CDKAL1: variants seen among roughly 807,000 people sequenced by gnomAD.
The protein encoded by CDKAL1 is threonylcarbamoyladenosine tRNA methylthiotransferase.
Under a neutral mutation model 68.2 loss-of-function variants are expected in CDKAL1, and 32 were observed. The ratio of observed to expected loss-of-function variants is 0.47; its 90% CI spans 0.35 to 0.63. The LOEUF is 0.63. Ranked by LOEUF, CDKAL1 falls within the 30% of genes least tolerant of loss-of-function variation. The probability of loss-of-function intolerance (pLI) is 0.00; values close to 1 mark genes in which losing one functional copy is unlikely to be tolerated. For missense variants in CDKAL1, 606 were observed against 696.7 expected, an observed-to-expected ratio of 0.87 and a Z score of 1.47; for synonymous variants, 234 against 244.3, an observed-to-expected ratio of 0.96 and a Z score of 0.39.
chr6:20,815,300 G>A (rs912239609), intron 8 of CDKAL1, among the ~76,000 whole-genome samples: 1 of 152,070 alleles, frequency 6.6e-6, no homozygotes, highest in Non-Finnish European at 1.5e-5. Flanking sequence ...TCTGTTTTTA[G>A]TAGTTTATAT....
intron 13 of CDKAL1, among the ~76,000 whole-genome samples, chr6:21,170,208 A>C (rs1777323678): frequency 6.6e-6 from 1 of 152,256 alleles, no homozygotes; most frequent in East Asian, 1.9e-4. Flanking sequence ...TACTGTCTGC[A>C]GAAGAAGCAC....
At chr6:20,907,491 A>G (rs1055400709) in intron 9 of CDKAL1, among the ~76,000 whole-genome samples, 1 of 152,238 alleles carries the variant, frequency 6.6e-6, no homozygotes, top group Non-Finnish European at 1.5e-5. Flanking sequence ...ATTGAAAAAA[A>G]TGACTATGAA....
chr6:20,643,023 A>T (rs957519599), intron 4 of CDKAL1, among the ~76,000 whole-genome samples: 2 of 152,186 alleles, frequency 1.3e-5, no homozygotes, highest in Non-Finnish European at 2.9e-5. Context: ...AATAGATCTG[A>T]TATCCCAACT....
chr6:20,553,909 G>A (rs775162259), intron 4 of CDKAL1, among the ~76,000 whole-genome samples: 3 of 148,806 alleles, frequency 2.0e-5, no homozygotes, highest in Non-Finnish European at 4.5e-5. Context: ...ACCGTGCTCG[G>A]CCAGCTTTTA....
intron 9 of CDKAL1, among the ~76,000 whole-genome samples, chr6:20,902,020 C>A (rs1283649464): frequency 6.6e-6 from 1 of 152,140 alleles, no homozygotes; most frequent in Non-Finnish European, 1.5e-5. Flanking sequence ...AAGTGATCTG[C>A]CTGCCTCGGC....
At chr6:20,798,007 G>A (rs906968821) in intron 8 of CDKAL1, among the ~76,000 whole-genome samples, 30 of 151,584 alleles carry the variant, frequency 2.0e-4, no homozygotes, top group African/African-American at 7.0e-4. Context: ...GTAGAGATGG[G>A]GTTTCACCGT....
intron 6 of CDKAL1, among the ~76,000 whole-genome samples, chr6:20,749,871 T>G (rs986171650): frequency 6.6e-6 from 1 of 151,802 alleles, no homozygotes; most frequent in Non-Finnish European, 1.5e-5. Context: ...TCTTTTCCTT[T>G]TTTGTTTTTT....
intron 13 of CDKAL1, among the ~76,000 whole-genome samples, chr6:21,157,102 C>T (rs1776685019): frequency 1.3e-5 from 2 of 152,104 alleles, no homozygotes; most frequent in Admixed American, 1.3e-4. Flanking sequence ...AGAATTCAGC[C>T]GACATAGATT....
chr6:20,862,417 G>A (rs966933475), intron 9 of CDKAL1, among the ~76,000 whole-genome samples: 1 of 152,124 alleles, frequency 6.6e-6, no homozygotes, highest in Non-Finnish European at 1.5e-5. Context: ...TTTTCCCATT[G>A]TAAAAATAAG....
chr6:20,563,259 A>G (rs1001145804), intron 4 of CDKAL1, among the ~76,000 whole-genome samples: 5 of 152,192 alleles, frequency 3.3e-5, no homozygotes, highest in African/African-American at 1.2e-4. Context: ...CTAGCTTACA[A>G]AAATGAAGGA....
intron 9 of CDKAL1, among the ~76,000 whole-genome samples, chr6:20,939,821 T>C (rs1051776899): frequency 6.6e-6 from 1 of 152,200 alleles, no homozygotes; most frequent in African/African-American, 2.4e-5. Flanking sequence ...AGATCACACC[T>C]GGAAATGAGG....
At chr6:21,137,969 T>C (rs1775701106) in intron 13 of CDKAL1, among the ~76,000 whole-genome samples, 1 of 152,236 alleles carries the variant, frequency 6.6e-6, no homozygotes, top group African/African-American at 2.4e-5. Flanking sequence ...TTTGCCCTTG[T>C]TCCTTTTAGT....
At chr6:20,546,949 A>G (rs76797606) in intron 3 of CDKAL1, among the ~76,000 whole-genome samples, 41 of 152,344 alleles carry the variant, frequency 2.7e-4, no homozygotes, top group African/African-American at 8.9e-4. Flanking sequence ...AACTTTTGAT[A>G]GGAAATACAA....
At chr6:20,855,212 G>A (rs1242143248) in intron 9 of CDKAL1, among the ~76,000 whole-genome samples, 1 of 152,040 alleles carries the variant, frequency 6.6e-6, no homozygotes, top group Non-Finnish European at 1.5e-5. Flanking sequence ...GGAGGCTGAG[G>A]TGGGTGGATC....
intron 5 of CDKAL1, among the ~76,000 whole-genome samples, chr6:20,671,417 G>T (rs180996467): frequency 3.3e-5 from 5 of 152,094 alleles, no homozygotes; most frequent in African/African-American, 1.2e-4. Flanking sequence ...CTCCCCTTTT[G>T]TCTGCTGTCC....
In CDKAL1 at chr6:20,992,208, A is replaced by ATATATATATATATATATATATATGTATG. The variant is rs200094831; in HGVS notation, c.910-8016_910-8015insATATATATATATATATATATGTATGTAT. Among the ~76,000 whole-genome samples the ATATATATATATATATATATATATGTATG allele has an allele frequency of 2.2e-4, 32 of 144,620 alleles. 1 individual carries two copies. The highest frequency in any genetic ancestry group is 8.8e-4 in the African/African-American group (31 of 35,404). The allele number at this position is 144,620 out of a possible 152,430, so 94.9% of individuals were successfully genotyped here. ...ATAGTCAGCTTTTTTATATATATAT[A>ATATATATATATATATATATATATGTATG]TATGTATTTTGTATTATATGTATAT... is the stretch of plus-strand genomic sequence containing the variant. On this transcript the variant is annotated intron_variant, in intron 10 of 15. Coordinates refer to ENST00000274695, the MANE Select transcript of CDKAL1 (RefSeq NM_017774.3).
At chr6:21,183,009 T>C (rs999803346) in intron 13 of CDKAL1, among the ~76,000 whole-genome samples, 5 of 152,244 alleles carry the variant, frequency 3.3e-5, no homozygotes, top group African/African-American at 1.2e-4. Flanking sequence ...CCTTGCAATC[T>C]AAAATTCATG....
chr6:21,210,622 A>T (rs1439778624), intron 15 of CDKAL1, among the ~76,000 whole-genome samples: 2 of 152,240 alleles, frequency 1.3e-5, no homozygotes, highest in Non-Finnish European at 2.9e-5. Context: ...CTAAGACAGT[A>T]TGTACATATG....
intron 5 of CDKAL1, among the ~76,000 whole-genome samples, chr6:20,700,614 A>C (rs898225815): frequency 4.6e-5 from 7 of 152,166 alleles, no homozygotes; most frequent in Admixed American, 3.9e-4. Flanking sequence ...TAAGTAGCCT[A>C]AATTTCATGG....
Sources: gnomAD v4.1 joint callset for allele counts (sites outside exome capture counted in the v4.1 genomes callset) on GRCh38, gnomAD v4.1.1 for gene constraint, MANE v1.5 for transcripts, NCBI Gene and HGNC (gene_info 2026-07-23, HGNC 2026-07-21) for gene names.